The following DNMT1 variants were observed in gnomAD, a reference collection of about 807,000 sequenced individuals.
DNMT1 encodes the protein DNA (cytosine-5)-methyltransferase 1.
In DNMT1, 24 loss-of-function variants were observed where a neutral mutation model predicts 205.3. That is an observed-to-expected ratio of 0.12 (90% CI 0.08 to 0.16). The LOEUF (loss-of-function observed/expected upper bound fraction) is 0.16. Ranked by LOEUF, DNMT1 falls within the 10% of genes least tolerant of loss-of-function variation. DNMT1 has a pLI of 1.00. For synonymous variants in DNMT1, 817 were observed against 839.8 expected (o/e 0.97, Z 0.47); for missense variants, 1,293 against 2,177.7 (o/e 0.59, Z 8.09).
intron 40 of DNMT1, 141 bp downstream of exon 40, chr19:10,134,076 C>G (rs1344298238): frequency 1.2e-6 from 1 of 816,794 alleles, no homozygotes; most frequent in African/African-American, 1.7e-5. Context: ...CACAGCAGCC[C>G]CTTGAGAAAG....
In DNMT1 at chr19:10,140,269, G is replaced by A. The variant is rs2089576555; in HGVS notation, c.3583C>T (p.Leu1195=). The A allele has an allele frequency of 6.2e-7, 1 of 1,613,908 alleles. No homozygotes were observed. Among genetic ancestry groups the A allele is most frequent in the African/African-American group, 1.3e-5 (1 of 74,924 alleles). Residue 1195 remains leucine, a synonymous_variant, in exon 33 of 41, where the codon CTG becomes TTG. Transcript: ENST00000359526. This position sits in a 1 kb window ranked among gnomAD's most constrained non-coding sequence, Gnocchi z 8.4. ...MWDPAAQAFR[L]NNPGSTVFTE... ...AACACTGTGGAGCCGGGGTTGTTCA[G>A]CCGGAACGCCTGGGCCGCAGGGTCC...
chr19:10,194,687 C>T (rs756103340), intron 1 of DNMT1, 133 bp downstream of exon 1: 10 of 1,268,686 alleles, frequency 7.9e-6, no homozygotes, highest in Non-Finnish European at 1.0e-5. Context: ...CCAACTGCCG[C>T]TGCGCGCCGC....
At chr19:10,193,697 C>A (rs967784608) in intron 1 of DNMT1, among the ~76,000 whole-genome samples, 1 of 150,764 alleles carries the variant, frequency 6.6e-6, no homozygotes. Context: ...AGAAAAAAAG[C>A]GGGGGTTGAA....
chr19:10,156,017 C>G lies in DNMT1; in HGVS notation c.1400-72G>C, dbSNP rs1244122499. On this transcript the variant is annotated intron_variant, in intron 18 of 40. Coordinates refer to ENST00000359526, the MANE Select transcript of DNMT1 (RefSeq NM_001130823.3). The surrounding 1 kb of genome is among the most constrained non-coding windows in gnomAD (Gnocchi z 4.2). ...AAACCCAGGAGGCGCTCTAAGCGCC[C>G]ACTCAGCAGACATCCCATCAGCCAG... 1 of 1,490,448 alleles carries G rather than the reference C, an allele frequency of 6.7e-7. No individual in the cohort carries two copies. The highest frequency in any genetic ancestry group is 9.2e-7 in the Non-Finnish European group (1 of 1,087,380). 92.3% of individuals were successfully genotyped at this position (1,490,448 alleles called of 1,614,324 possible). A position where few individuals can be genotyped will look rare whatever the true frequency, so the allele number is the denominator to read the frequency against.
intron 30 of DNMT1, chr19:10,141,793 A>C (rs2145269368): frequency 3.5e-6 from 2 of 563,648 alleles, no homozygotes; most frequent in Admixed American, 3.1e-5. Flanking sequence ...CGTACTTTTT[A>C]AAAACCAGGA....
rs1031891048 is a variant in DNMT1, at chr19:10,160,538, G to A, written c.1009-120C>T. The A allele has an allele frequency of 3.8e-6, 4 of 1,054,408 alleles. 1 individual carries two copies. The highest frequency in any genetic ancestry group is 5.3e-5 in the East Asian group (2 of 37,788). The allele number at this position is 1,054,408 out of a possible 1,614,324, so 65.3% of individuals were successfully genotyped here. On this transcript the variant is annotated intron_variant, in intron 13 of 40. Transcript: ENST00000359526. The stretch of plus-strand genomic sequence containing the variant: ...ATAAAACAGAGAGAAGGGGAGGGAG[G>A]CAGTGAGAGGGCCAGCAGGTGAGCT...
intron 8 of DNMT1, 67 bp from the exon 9 acceptor site, chr19:10,173,241 A>T (rs1193758596): frequency 6.6e-7 from 1 of 1,516,688 alleles, no homozygotes; most frequent in Non-Finnish European, 9.2e-7. Context: ...AGCAGTTTTC[A>T]TAAAGCTCCT....
Position 10,140,920 on chromosome 19 carries a change from G to A in DNMT1, c.3395-11C>T. On this transcript the variant is annotated splice_polypyrimidine_tract_variant and intron_variant, in intron 31 of 40. Transcript: ENST00000359526. This position sits in a 1 kb window ranked among gnomAD's most constrained non-coding sequence, Gnocchi z 8.4. ...TGGGCTTGCCCTTCCCTGGGGGAGA[G>A]AGGCCAGAGGCTAAACCCGATCCTC... The A allele has an allele frequency of 6.2e-7, 1 of 1,613,878 alleles. No homozygotes were observed. The highest frequency in any genetic ancestry group is 1.6e-4 in the Middle Eastern group (1 of 6,062).
intron 6 of DNMT1, among the ~76,000 whole-genome samples, chr19:10,176,728 C>T (rs771810650): frequency 7.9e-5 from 12 of 151,824 alleles, no homozygotes; most frequent in African/African-American, 1.5e-4. Flanking sequence ...CGTGGCGGCG[C>T]GCGCCTGTAA....
At position 10,146,383 on chromosome 19, in the gene DNMT1, A is replaced by C. The variant is rs1249501461; in HGVS notation, c.2862T>G (p.Gly954=). The change falls in exon 28 of 41, where the codon GGT becomes GGG. Residue 954 remains glycine, a synonymous_variant. Transcript: ENST00000359526. This position sits in a 1 kb window ranked among gnomAD's most constrained non-coding sequence, Gnocchi z 4.4. Reference sequence around the variant, plus strand: ...TGAAGGCCTCAGGGGGCAGGTACACACCATCACCAACTCGGTACAGGATGC... The same window carrying C: ...TGAAGGCCTCAGGGGGCAGGTACACCCCATCACCAACTCGGTACAGGATGC... ...KNGILYRVGD[G]VYLPPEAFTF... 6.2e-7 allele frequency: 1 copy of C among 1,613,490 alleles called. No homozygotes were observed. The highest frequency in any genetic ancestry group is 8.5e-7 in the Non-Finnish European group (1 of 1,179,872).
Position 10,146,213 on chromosome 19 carries a change from CCA to C in DNMT1, c.2894+136_2894+137del, listed in dbSNP as rs553864921. On this transcript the variant is annotated intron_variant, in intron 28 of 40. Coordinates refer to ENST00000359526, the MANE Select transcript of DNMT1 (RefSeq NM_001130823.3). The surrounding 1 kb of genome is among the most constrained non-coding windows in gnomAD (Gnocchi z 4.4). ...CTACACGATTTATGTTGTCTGTTTG[CCA>C]CCTATGCCAACGTGACGGCTAGGAC... is the stretch of plus-strand genomic sequence containing the variant. 11,656 of 1,002,552 alleles carry C rather than the reference CCA, an allele frequency of 0.012. 104 individuals are homozygous for C. The highest frequency in any genetic ancestry group is 0.013 in the Non-Finnish European group (9,090 of 687,166). 62.1% of individuals were successfully genotyped at this position (1,002,552 alleles called of 1,614,324 possible). A position where few individuals can be genotyped will look rare whatever the true frequency, so the allele number is the denominator to read the frequency against.
At position 10,149,481 on chromosome 19, in the gene DNMT1, T is replaced by C. The variant is rs1363883264; in HGVS notation, c.2558A>G (p.Lys853Arg). ...CATGGCCCAGTTTTCGGAGGGGGCT[T>C]TGTAGATGACTTTCACTTTGCTGTG... Reference protein sequence around the residue: ...YIHSKVKVIYKAPSENWAMEG... With the variant: ...YIHSKVKVIYRAPSENWAMEG... The change falls in exon 26 of 41, where the codon AAA (lysine) becomes AGA (arginine). Residue 853 changes from lysine to arginine, a missense_variant. Physicochemically the swap from Lys to Arg is conservative, Grantham distance 26. Around this residue, in one of 13 missense-constraint regions of DNMT1, gnomAD observed 197 missense variants for 353.6 expected, o/e 0.56. Transcript: ENST00000359526. The C allele has an allele frequency of 1.2e-6, 2 of 1,614,064 alleles. No homozygotes were observed. Among genetic ancestry groups the C allele is most frequent in the Admixed American group, 3.3e-5 (2 of 60,010 alleles).
chr19:10,150,052 G>C (rs2038306190), intron 24 of DNMT1, 84 bp from the exon 25 acceptor site: 1 of 1,175,664 alleles, frequency 8.5e-7, no homozygotes, highest in Non-Finnish European at 1.3e-6. Flanking sequence ...GTTACTTAAA[G>C]TAAGACATGA....
In DNMT1 at chr19:10,151,329, G is replaced by C. The variant is rs934345680; in HGVS notation, c.2265+69C>G. 1 of 1,599,796 alleles carries C rather than the reference G, an allele frequency of 6.3e-7. No individual in the cohort carries two copies. The highest frequency in any genetic ancestry group is 1.3e-5 in the African/African-American group (1 of 74,792). On this transcript the variant is annotated intron_variant, in intron 24 of 40. Coordinates refer to ENST00000359526, the MANE Select transcript of DNMT1 (RefSeq NM_001130823.3). The surrounding 1 kb of genome is among the most constrained non-coding windows in gnomAD (Gnocchi z 5.0). ...AGGCTGCCTGAGAGGTCAGGTTGGC[G>C]AGATACTAGAGGGCAACCTGCTTAT...
chr19:10,154,253 G>T lies in DNMT1; in HGVS notation c.2019+40C>A. 2 of 1,606,978 alleles carry T rather than the reference G, an allele frequency of 1.2e-6. No homozygotes were observed. The highest frequency in any genetic ancestry group is 8.5e-7 in the Non-Finnish European group (1 of 1,173,860). On this transcript the variant is annotated intron_variant, in intron 22 of 40. Transcript: ENST00000359526. The surrounding 1 kb of genome is among the most constrained non-coding windows in gnomAD (Gnocchi z 6.3). ...GTCCTCAGATCAGGCCAGAGGCTGGGCCACCTTAGGGGAGCGGGAGCACCC... is the reference window on the plus strand; with the variant it reads ...GTCCTCAGATCAGGCCAGAGGCTGGTCCACCTTAGGGGAGCGGGAGCACCC...
intron 27 of DNMT1, among the ~76,000 whole-genome samples, chr19:10,147,713 G>T (rs1599356454): frequency 6.6e-6 from 1 of 152,304 alleles, no homozygotes; most frequent in East Asian, 1.9e-4. Context: ...TGGCCTCCTG[G>T]GTTTCCCTGG....
At chr19:10,179,207 A>C (rs1239605046) in intron 5 of DNMT1, among the ~76,000 whole-genome samples, 1 of 152,076 alleles carries the variant, frequency 6.6e-6, no homozygotes, top group Non-Finnish European at 1.5e-5. Context: ...TAAATGTTTA[A>C]CCAGGCATAT....
chr19:10,154,276 C>G lies in DNMT1; in HGVS notation c.2019+17G>C. ...GGGCCACCTTAGGGGAGCGGGAGCA[C>G]CCACAGGTGAGGTTACCTCACAGAC... On this transcript the variant is annotated intron_variant, in intron 22 of 40. Coordinates refer to ENST00000359526, the MANE Select transcript of DNMT1 (RefSeq NM_001130823.3). This position sits in a 1 kb window ranked among gnomAD's most constrained non-coding sequence, Gnocchi z 6.3. 1 of 1,613,870 alleles carries G rather than the reference C, an allele frequency of 6.2e-7. No homozygotes were observed. The highest frequency in any genetic ancestry group is 1.1e-5 in the South Asian group (1 of 91,066).
chr19:10,138,110 G>A lies in DNMT1; in HGVS notation c.4116-101C>T. On this transcript the variant is annotated intron_variant, in intron 35 of 40. Transcript: ENST00000359526. The surrounding 1 kb of genome is among the most constrained non-coding windows in gnomAD (Gnocchi z 4.1). ...GCCTGCTCAGATGGCCTTCTCCCGA[G>A]ATCACAGCACTGCCCGAGGTCACAT... 7.1e-7 allele frequency: 1 copy of A among 1,399,164 alleles called. No individual in the cohort carries two copies. Among genetic ancestry groups the A allele is most frequent in the Non-Finnish European group, 9.8e-7 (1 of 1,019,082 alleles). 86.7% of individuals were successfully genotyped at this position (1,399,164 alleles called of 1,614,324 possible).
Sources: allele counts gnomAD v4.1 joint callset (sites outside exome capture counted in the v4.1 genomes callset), GRCh38; gene constraint gnomAD v4.1.1; regional missense constraint gnomAD v4.1.1; non-coding constraint Gnocchi (gnomAD v3.1); transcripts MANE v1.5; gene names NCBI Gene and HGNC (gene_info 2026-07-23, HGNC 2026-07-21).